ARID1B: variants seen among roughly 807,000 people sequenced by gnomAD.
ARID1B encodes the protein AT-rich interactive domain-containing protein 1B.
A neutral mutation model predicts 212.3 loss-of-function variants in ARID1B; 30 were observed. That is an observed-to-expected ratio of 0.14 (90% confidence interval 0.11 to 0.19). The LOEUF (loss-of-function observed/expected upper bound fraction) is 0.19. Ranked by LOEUF, ARID1B falls within the 10% of genes least tolerant of loss-of-function variation. The pLI is 1.00. For missense variants in ARID1B, 2,891 were observed against 3,204.0 expected (o/e 0.90, Z 2.36); for synonymous variants, 1,402 against 1,301.7 (o/e 1.08, Z -1.66).
Position 157,206,962 on chromosome 6 carries a change from C to T in ARID1B, c.6190C>T (p.Leu2064=), listed in dbSNP as rs2128395404. 1 of 1,614,242 alleles carries T rather than the reference C, an allele frequency of 6.2e-7. No individual in the cohort carries two copies. Among genetic ancestry groups the T allele is most frequent in the Non-Finnish European group, 8.5e-7 (1 of 1,180,036 alleles). Residue 2064 remains leucine (L), a synonymous_variant, in exon 20 of 20, where the codon CTG becomes TTG. Transcript: ENST00000636930. This position sits in a 1 kb window ranked among gnomAD's most constrained non-coding sequence, Gnocchi z 6.8. The stretch of plus-strand genomic sequence containing the variant: ...TACCATCGCGCACTGGCAGGACTCG[C>T]TGGCTAAGCGATGCATCTGTGTGTC... The part of the protein sequence containing the change: ...LCTIAHWQDS[L]AKRCICVSNI...
chr6:156,948,641 T>C (rs900738482), intron 4 of ARID1B, among the ~76,000 whole-genome samples: 1 of 152,248 alleles, frequency 6.6e-6, no homozygotes, highest in African/African-American at 2.4e-5. Flanking sequence ...ATCTCAATGA[T>C]GCAGAAAAAT....
intron 4 of ARID1B, chr6:156,940,193 C>T (rs1792563789): frequency 1.3e-5 from 2 of 151,420 alleles, no homozygotes; most frequent in South Asian, 2.1e-4. Context: ...ACTCTAAGAG[C>T]GTTTGAAAAT....
intron 15 of ARID1B, chr6:157,194,661 T>G (rs1360363520): frequency 6.6e-6 from 1 of 152,254 alleles, no homozygotes; most frequent in Non-Finnish European, 1.5e-5. Context: ...GAGCTATTCT[T>G]AACTCCTTAA....
intron 3 of ARID1B, among the ~76,000 whole-genome samples, chr6:156,934,022 G>C (rs1050061601): frequency 9.2e-5 from 14 of 152,162 alleles, no homozygotes; most frequent in African/African-American, 3.1e-4. Context: ...CTTTTTATAG[G>C]ATTTCAAGTA....
intron 4 of ARID1B, among the ~76,000 whole-genome samples, chr6:156,969,697 G>A (rs181695032): frequency 4.9e-4 from 75 of 152,286 alleles, no homozygotes; most frequent in Non-Finnish European, 8.1e-4. Context: ...AACTCTAGAT[G>A]TTAGACTTGA....
intron 4 of ARID1B, among the ~76,000 whole-genome samples, chr6:157,073,251 C>T (rs1218232544): frequency 1.3e-5 from 2 of 151,944 alleles, no homozygotes; most frequent in African/African-American, 2.4e-5. Flanking sequence ...TACAGATGTA[C>T]ACCACAACAC....
intron 4 of ARID1B, chr6:156,941,859 T>C (rs1223133122): frequency 2.0e-5 from 3 of 152,224 alleles, no homozygotes; most frequent in African/African-American, 7.2e-5. Flanking sequence ...GAACTATAGT[T>C]TGCTTTTAAA....
At chr6:156,917,971 A>G (rs114876918) in intron 3 of ARID1B, among the ~76,000 whole-genome samples, 2,484 of 152,306 alleles carry the variant, frequency 0.016, 67 homozygotes, top group African/African-American at 0.056. Context: ...TACTTGGCAC[A>G]TGGGCAATCA....
intron 6 of ARID1B, among the ~76,000 whole-genome samples, chr6:157,130,368 T>A (rs1788465809): frequency 6.6e-6 from 1 of 152,212 alleles, no homozygotes; most frequent in Non-Finnish European, 1.5e-5. Flanking sequence ...CACATTTTTT[T>A]ATTAAACAGG....
chr6:157,000,716 T>TTTTTTTTTTTTTA, intron 4 of ARID1B, among the ~76,000 whole-genome samples: 1 of 102,462 alleles, frequency 9.8e-6, no homozygotes, highest in Admixed American at 9.8e-5. Flanking sequence ...TTTTTTTTTT[T>TTTTTTTTTTTTTA]GAGACAGAGT....
chr6:156,781,389 CTT>C (rs35943895), intron 1 of ARID1B, among the ~76,000 whole-genome samples: 1 of 151,780 alleles, frequency 6.6e-6, no homozygotes, highest in African/African-American at 2.4e-5. Context: ...TGCTGGGTGT[CTT>C]TTTTTCCAAA....
chr6:156,964,852 G>A (rs923572136), intron 4 of ARID1B, among the ~76,000 whole-genome samples: 2 of 152,146 alleles, frequency 1.3e-5, no homozygotes, highest in African/African-American at 4.8e-5. Context: ...ATTTTAGCTT[G>A]TAGGAAATGA....
Position 156,841,308 on chromosome 6 carries a change from C to T in ARID1B, c.1986+11887C>T, listed in dbSNP as rs550016585. 2.0e-5 allele frequency among the ~76,000 whole-genome samples: 3 copies of T among 152,250 alleles called. No homozygotes were observed. In the South Asian group the frequency reaches 6.2e-4, roughly 32 times the overall value. ...ACTGCATCGTAGCCCATTTCCAAAG[C>T]AGAGGTCATGGCTACGGCTGGAATG... On this transcript the variant is annotated intron_variant, in intron 2 of 19. Coordinates refer to ENST00000636930, the MANE Select transcript of ARID1B (RefSeq NM_001374828.1).
chr6:156,944,995 T>C (rs1247586031), intron 4 of ARID1B, among the ~76,000 whole-genome samples: 4 of 149,944 alleles, frequency 2.7e-5, no homozygotes, highest in Non-Finnish European at 5.9e-5. Flanking sequence ...CGATCTCGGC[T>C]CACTGCAACC....
intron 18 of ARID1B, among the ~76,000 whole-genome samples, chr6:157,202,246 G>A (rs1323079429): frequency 6.6e-6 from 1 of 152,192 alleles, no homozygotes; most frequent in East Asian, 1.9e-4. Context: ...CTATCTGGAA[G>A]TACACACAGG....
chr6:156,926,922 C>T (rs867515144), intron 3 of ARID1B, among the ~76,000 whole-genome samples: 5 of 152,130 alleles, frequency 3.3e-5, no homozygotes, highest in African/African-American at 4.8e-5. Context: ...CGCCGTGATC[C>T]GCCTGCCTTG....
At chr6:156,824,277 C>T (rs1033646740) in intron 1 of ARID1B, among the ~76,000 whole-genome samples, 6 of 152,206 alleles carry the variant, frequency 3.9e-5, no homozygotes, top group African/African-American at 1.4e-4. Context: ...GTGGCCTTCA[C>T]AGCACTTGTC....
chr6:156,825,090 C>T (rs1174872864), intron 1 of ARID1B, among the ~76,000 whole-genome samples: 1 of 152,120 alleles, frequency 6.6e-6, no homozygotes, highest in East Asian at 1.9e-4. Context: ...GTCTTGAACT[C>T]CTGAGCTCAG....
At chr6:157,122,910 GACCT>G (rs1279532056) in intron 6 of ARID1B, among the ~76,000 whole-genome samples, 48 of 152,048 alleles carry the variant, frequency 3.2e-4, no homozygotes, top group African/African-American at 1.1e-3. Context: ...TTGAACTCCT[GACCT>G]CAGGTGATCC....
Sources: allele counts gnomAD v4.1 joint callset (sites outside exome capture counted in the v4.1 genomes callset), GRCh38; gene constraint gnomAD v4.1.1; non-coding constraint Gnocchi (gnomAD v3.1); transcripts MANE v1.5; gene names NCBI Gene and HGNC (gene_info 2026-07-23, HGNC 2026-07-21).